Variants in CXorf58 observed in about 807,000 individuals in gnomAD.
CXorf58 encodes the protein chromosome X open reading frame 58.
In CXorf58, 24 loss-of-function variants were observed where a neutral mutation model predicts 26.0. The observed-to-expected ratio is 0.92, with a 90% confidence interval of 0.67 to 1.30. The LOEUF is 1.30. Ranked by LOEUF, CXorf58 falls within the 50% of genes most tolerant of loss-of-function variation. The pLI, the probability that CXorf58 is intolerant of heterozygous loss-of-function variation, is 0.00. For missense variants in CXorf58, 236 were observed against 263.9 expected (o/e 0.89, Z 0.73); for synonymous variants, 87 against 86.1 (o/e 1.01, Z -0.06).
At position 23,914,479 on chromosome X, in the gene CXorf58, C is replaced by G. The variant is rs1283095122; in HGVS notation, c.217-1221C>G. On this transcript the variant is annotated intron_variant, in intron 3 of 8. Transcript: ENST00000379211. ...GGGGAAAGAGTTGGGACTTTAGAGT[C>G]AAACAGAACTAAATGAATCCTGGCT... 2.7e-5 allele frequency among the ~76,000 whole-genome samples: 3 copies of G among 112,075 alleles called. No individual in the cohort carries two copies. The East Asian group carries it at 8.4e-4, about 31-fold the overall frequency.
intron 3 of CXorf58, among the ~76,000 whole-genome samples, chrX:23,914,366 G>A (rs1413629548): frequency 8.9e-6 from 1 of 111,749 alleles, no homozygotes; most frequent in African/African-American, 3.2e-5. Context: ...GATTATAGGC[G>A]TGAGCCGCAG....
chrX:23,938,429 A>G (rs1385831087), intron 7 of CXorf58, 118 bp from the exon 8 acceptor site: 3 of 503,019 alleles, frequency 6.0e-6, no homozygotes, highest in South Asian at 5.3e-5. Context: ...TGCTGCTCCA[A>G]TGTTGCTAAG....
intron 3 of CXorf58, among the ~76,000 whole-genome samples, chrX:23,912,284 A>G (rs945288251): frequency 2.7e-5 from 3 of 111,611 alleles, no homozygotes; most frequent in African/African-American, 9.8e-5. Flanking sequence ...ATCTAATAAT[A>G]TCACGTGGAG....
chrX:23,923,640 GAA>G (rs567444830), intron 5 of CXorf58, among the ~76,000 whole-genome samples: 2 of 79,163 alleles, frequency 2.5e-5, no homozygotes, highest in African/African-American at 4.6e-5. Flanking sequence ...CTCTGTCTCA[GAA>G]AAAAAAAAAA....
intron 5 of CXorf58, among the ~76,000 whole-genome samples, chrX:23,924,161 A>G (rs781115893): frequency 6.2e-5 from 7 of 112,016 alleles, no homozygotes; most frequent in Middle Eastern, 4.6e-3. Context: ...AGCAGAAATT[A>G]TATGGTCTTC....
At chrX:23,933,902 C>T (rs1172199028) in intron 6 of CXorf58, among the ~76,000 whole-genome samples, 1 of 108,906 alleles carries the variant, frequency 9.2e-6, no homozygotes, top group Non-Finnish European at 1.9e-5. Flanking sequence ...AAAAAAATAG[C>T]CAGACGTGGT....
chrX:23,916,153 AG>A (rs1927714086), intron 4 of CXorf58, 63 bp from the exon 5 acceptor site: 1 of 620,359 alleles, frequency 1.6e-6, no homozygotes, highest in African/African-American at 2.3e-5. Context: ...CTTAAGTATA[AG>A]GGGGAAAAGC....
chrX:23,911,710 G>GA, intron 2 of CXorf58, 47 bp from the exon 3 acceptor site: 1 of 908,341 alleles, frequency 1.1e-6, no homozygotes, highest in Non-Finnish European at 1.6e-6. Flanking sequence ...AAGGTTTTAG[G>GA]AAAATGAAAA....
chrX:23,918,058 G>A (rs1927775847), intron 5 of CXorf58, among the ~76,000 whole-genome samples: 1 of 111,235 alleles, frequency 9.0e-6, no homozygotes, highest in Admixed American at 9.7e-5. Flanking sequence ...TAGCCAGGAT[G>A]GTCTCAATCT....
intron 5 of CXorf58, among the ~76,000 whole-genome samples, chrX:23,918,814 T>C (rs984307580): frequency 8.9e-6 from 1 of 112,450 alleles, no homozygotes; most frequent in African/African-American, 3.2e-5. Context: ...TTCTCCTTCA[T>C]GTTTGAAGGA....
chrX:23,928,087 G>A (rs1056867141), intron 6 of CXorf58, among the ~76,000 whole-genome samples: 3 of 111,394 alleles, frequency 2.7e-5, no homozygotes, highest in Non-Finnish European at 5.7e-5. Context: ...GGAATTTGGG[G>A]GTTCTTTTGG....
chrX:23,928,483 G>A (rs1183281378), intron 6 of CXorf58, among the ~76,000 whole-genome samples: 4 of 111,305 alleles, frequency 3.6e-5, no homozygotes, highest in African/African-American at 6.5e-5. Flanking sequence ...ACGCCTGGCC[G>A]ATGTTGTGTT....
At chrX:23,916,824 A>G (rs1435068980) in intron 5 of CXorf58, among the ~76,000 whole-genome samples, 2 of 107,250 alleles carry the variant, frequency 1.9e-5, no homozygotes, top group African/African-American at 6.8e-5. Context: ...CAGGAGGTGG[A>G]GGCTGCAGTG....
At chrX:23,934,772 C>A (rs1460674232) in intron 6 of CXorf58, among the ~76,000 whole-genome samples, 1 of 110,910 alleles carries the variant, frequency 9.0e-6, no homozygotes, top group Admixed American at 9.7e-5. Context: ...GACCCACCTG[C>A]CTCAGGCTCC....
intron 7 of CXorf58, among the ~76,000 whole-genome samples, chrX:23,938,048 G>A (rs1030449328): frequency 9.2e-5 from 10 of 109,112 alleles, no homozygotes; most frequent in African/African-American, 3.3e-4. Context: ...ACCACACCCA[G>A]CTAATTTTTG....
intron 7 of CXorf58, 130 bp downstream of exon 7, chrX:23,935,555 G>T: frequency 4.1e-6 from 2 of 485,215 alleles, no homozygotes; most frequent in South Asian, 7.0e-5. Context: ...TGCTCAAAAC[G>T]TATGCAATTT....
chrX:23,935,792 A>G (rs1266628957), intron 7 of CXorf58, among the ~76,000 whole-genome samples: 9 of 107,451 alleles, frequency 8.4e-5, no homozygotes, highest in Non-Finnish European at 1.5e-4. Context: ...TTTTTTTTTG[A>G]GACGGAGTCT....
intron 6 of CXorf58, among the ~76,000 whole-genome samples, chrX:23,930,926 AT>A (rs113310360): frequency 0.018 from 1,952 of 110,166 alleles, 40 homozygotes; most frequent in African/African-American, 0.056. Flanking sequence ...AAGTATGTAC[AT>A]TTTTTTTTAA....
Position 23,915,718 on chromosome X carries a change from G to A in CXorf58, c.235G>A (p.Glu79Lys), listed in dbSNP as rs753173434. 1.5e-5 allele frequency: 18 copies of A among 1,184,408 alleles called. No individual in the cohort carries two copies. The highest frequency in any genetic ancestry group is 3.5e-5 in the African/African-American group (2 of 56,673). ...ICAAEFYVTH[E>K]ILKKVAPLEA... ...ATTTCAGGAATTCTATGTAACACAT[G>A]AAATACTGAAGAAAGTGGCCCCCTT... Residue 79 changes from glutamate to lysine, a missense_variant, in exon 4 of 9, where the codon GAA (glutamate) becomes AAA (lysine). Coordinates refer to ENST00000379211, the MANE Select transcript of CXorf58 (RefSeq NM_152761.3).
Sources: allele counts gnomAD v4.1 joint callset (sites outside exome capture counted in the v4.1 genomes callset), GRCh38; gene constraint gnomAD v4.1.1; transcripts MANE v1.5; gene names NCBI Gene and HGNC (gene_info 2026-07-23, HGNC 2026-07-21).